CDKAL1: variants seen among roughly 807,000 people sequenced by gnomAD.
The protein encoded by CDKAL1 is threonylcarbamoyladenosine tRNA methylthiotransferase.
A neutral mutation model predicts 68.2 loss-of-function variants in CDKAL1; 32 were observed. That is an observed-to-expected ratio of 0.47 (90% CI 0.35 to 0.63). The LOEUF is 0.63. CDKAL1 is among the 30% of genes least tolerant of loss of function. The pLI, the probability that CDKAL1 is intolerant of heterozygous loss-of-function variation, is 0.00. For missense variants in CDKAL1, 606 were observed against 696.7 expected (o/e 0.87, Z 1.47); for synonymous variants, 234 against 244.3 (o/e 0.96, Z 0.39).
At chr6:21,137,542 T>G (rs1235047257) in intron 13 of CDKAL1, among the ~76,000 whole-genome samples, 4 of 152,248 alleles carry the variant, frequency 2.6e-5, no homozygotes, top group African/African-American at 7.2e-5. Flanking sequence ...TTTTTATCTT[T>G]TCAGAGAATC....
At position 20,809,693 on chromosome 6, in the gene CDKAL1, A is replaced by G. The variant is rs138781099; in HGVS notation, c.638+28428A>G. On this transcript the variant is annotated intron_variant, in intron 8 of 15. Transcript: ENST00000274695. ...ATAAAATGAGCAAAATAGAAGGCTA[A>G]CAATTGAAGAATAAGTAAACGTAGA... is the stretch of plus-strand genomic sequence containing the variant. 1.9e-3 allele frequency among the ~76,000 whole-genome samples: 292 copies of G among 152,332 alleles called. 1 individual carries two copies. Among genetic ancestry groups the G allele is most frequent in the African/African-American group, 6.5e-3 (269 of 41,584 alleles).
At chr6:20,715,757 TTC>T (rs1344770169) in intron 5 of CDKAL1, among the ~76,000 whole-genome samples, 1 of 152,240 alleles carries the variant, frequency 6.6e-6, no homozygotes, top group Non-Finnish European at 1.5e-5. Flanking sequence ...ATGTAGGATA[TTC>T]TGAAAATATA....
chr6:20,895,866 C>A (rs1305426173), intron 9 of CDKAL1, among the ~76,000 whole-genome samples: 1 of 152,106 alleles, frequency 6.6e-6, no homozygotes, highest in Non-Finnish European at 1.5e-5. Flanking sequence ...AAGTTTTGTC[C>A]CTCAACTTTC....
At chr6:21,026,793 A>C (rs1271635536) in intron 11 of CDKAL1, among the ~76,000 whole-genome samples, 1 of 152,054 alleles carries the variant, frequency 6.6e-6, no homozygotes, top group African/African-American at 2.4e-5. Context: ...CCTTCCAGAC[A>C]CTTCAGGTTG....
chr6:20,776,452 G>A (rs897527036), intron 7 of CDKAL1, among the ~76,000 whole-genome samples: 2 of 152,192 alleles, frequency 1.3e-5, no homozygotes, highest in African/African-American at 2.4e-5. Context: ...AGTGAGTAGT[G>A]CAAAGAGGCT....
At chr6:20,740,140 A>G (rs56935114) in intron 6 of CDKAL1, among the ~76,000 whole-genome samples, 9,928 of 152,252 alleles carry the variant, frequency 0.065, 413 homozygotes, top group African/African-American at 0.12. Flanking sequence ...AATTCTTTGA[A>G]TAAAGCCCAC....
intron 9 of CDKAL1, among the ~76,000 whole-genome samples, chr6:20,906,264 A>C (rs192744083): frequency 2.6e-5 from 4 of 152,166 alleles, no homozygotes; most frequent in Admixed American, 2.6e-4. Context: ...GTTTTCGGAC[A>C]CACAACATAT....
intron 9 of CDKAL1, among the ~76,000 whole-genome samples, chr6:20,901,759 C>T (rs865845002): frequency 8.1e-5 from 12 of 148,134 alleles, no homozygotes; most frequent in Non-Finnish European, 1.3e-4. Context: ...TCTTTTCTTT[C>T]CTAGTTGTTT....
intron 4 of CDKAL1, among the ~76,000 whole-genome samples, chr6:20,647,210 T>C (rs1768514719): frequency 6.6e-6 from 1 of 152,234 alleles, no homozygotes; most frequent in African/African-American, 2.4e-5. Flanking sequence ...GTATCTCCCA[T>C]GTAGCAGGCC....
At chr6:20,563,143 A>G (rs1427565849) in intron 4 of CDKAL1, among the ~76,000 whole-genome samples, 1 of 152,248 alleles carries the variant, frequency 6.6e-6, no homozygotes, top group Non-Finnish European at 1.5e-5. Context: ...TGTGTAAAGA[A>G]CTAATGATTG....
At chr6:20,727,336 A>G (rs1183278673) in intron 5 of CDKAL1, among the ~76,000 whole-genome samples, 1 of 152,192 alleles carries the variant, frequency 6.6e-6, no homozygotes, top group Non-Finnish European at 1.5e-5. Context: ...ACAGGAATAA[A>G]AACATACATA....
At chr6:21,118,329 AG>A (rs1232821014) in intron 13 of CDKAL1, among the ~76,000 whole-genome samples, 2 of 152,192 alleles carry the variant, frequency 1.3e-5, no homozygotes, top group African/African-American at 2.4e-5. Flanking sequence ...AAGACTGTCA[AG>A]GGTCCTGTGA....
chr6:21,029,525 A>G (rs1287765543), intron 11 of CDKAL1, among the ~76,000 whole-genome samples: 1 of 152,216 alleles, frequency 6.6e-6, no homozygotes, highest in Non-Finnish European at 1.5e-5. Flanking sequence ...AAAAGAAACT[A>G]TCATCAGAGT....
Position 21,119,305 on chromosome 6 carries a change from T to C in CDKAL1, c.1299+10842T>C, listed in dbSNP as rs1186319263. Among the ~76,000 whole-genome samples the C allele has an allele frequency of 2.0e-5, 3 of 152,232 alleles. No homozygotes were observed. In the East Asian group the frequency reaches 5.8e-4, roughly 29 times the overall value. On this transcript the variant is annotated intron_variant, in intron 13 of 15. Coordinates refer to ENST00000274695, the MANE Select transcript of CDKAL1 (RefSeq NM_017774.3). Reference sequence around the variant, plus strand: ...TAGCACACAGTAAGTGCTCAATAAATGACTATGATTCTTATAGTAAAATCA... The same window carrying C: ...TAGCACACAGTAAGTGCTCAATAAACGACTATGATTCTTATAGTAAAATCA...
At chr6:20,795,262 A>C (rs1776063232) in intron 8 of CDKAL1, among the ~76,000 whole-genome samples, 1 of 152,114 alleles carries the variant, frequency 6.6e-6, no homozygotes, top group Non-Finnish European at 1.5e-5. Context: ...CTAAATGCTA[A>C]TGGTATGTTT....
chr6:20,971,398 A>G (rs1420487252), intron 10 of CDKAL1, among the ~76,000 whole-genome samples: 1 of 152,214 alleles, frequency 6.6e-6, no homozygotes, highest in Admixed American at 6.5e-5. Flanking sequence ...TGTTGATCGG[A>G]AAGATATTTG....
chr6:21,019,640 G>T (rs1768524977), intron 11 of CDKAL1, among the ~76,000 whole-genome samples: 1 of 152,162 alleles, frequency 6.6e-6, no homozygotes, highest in African/African-American at 2.4e-5. Context: ...GCAGCCTGTG[G>T]TTCTGCTGTT....
chr6:21,078,374 G>A (rs202052662), intron 12 of CDKAL1, among the ~76,000 whole-genome samples: 1 of 152,022 alleles, frequency 6.6e-6, no homozygotes, highest in East Asian at 1.9e-4. Flanking sequence ...ATAATCTTTG[G>A]GCCTAATCAT....
At chr6:20,918,177 G>C (rs1762800800) in intron 9 of CDKAL1, among the ~76,000 whole-genome samples, 1 of 152,190 alleles carries the variant, frequency 6.6e-6, no homozygotes, top group African/African-American at 2.4e-5. Flanking sequence ...AGGACACAGA[G>C]AAGCCTCCAT....
Sources: allele counts gnomAD v4.1 joint callset (sites outside exome capture counted in the v4.1 genomes callset), GRCh38; gene constraint gnomAD v4.1.1; transcripts MANE v1.5; gene names NCBI Gene and HGNC (gene_info 2026-07-23, HGNC 2026-07-21).